Variants in UTRN observed in about 807,000 individuals in gnomAD.
The protein encoded by UTRN is utrophin.
In UTRN, 283 loss-of-function variants were observed where a neutral mutation model predicts 463.9. The ratio of observed to expected loss-of-function variants is 0.61; its 90% CI spans 0.55 to 0.67. The LOEUF is 0.67. Ranked by LOEUF, UTRN falls within the 30% of genes least tolerant of loss-of-function variation. The pLI, the probability that UTRN is intolerant of heterozygous loss-of-function variation, is 0.00. For synonymous variants in UTRN, 1,442 were observed against 1,431.5 expected, an observed-to-expected ratio of 1.01 and a Z score of -0.17; for missense variants, 3,922 against 4,084.3, an observed-to-expected ratio of 0.96 and a Z score of 1.08.
At chr6:144,627,172 T>A (rs1443641261) in intron 51 of UTRN, among the ~76,000 whole-genome samples, 1 of 16,100 alleles carries the variant, frequency 6.2e-5, no homozygotes, top group Admixed American at 8.4e-4. Context: ...GAGGGTGGGG[T>A]GGGGTAGGGT....
chr6:144,578,994 A>G (rs1326353084), intron 51 of UTRN, among the ~76,000 whole-genome samples: 1 of 152,206 alleles, frequency 6.6e-6, no homozygotes, highest in Non-Finnish European at 1.5e-5. Context: ...CAATTTGAAA[A>G]ACAGATCTTT....
At chr6:144,691,987 T>C (rs1393358890) in intron 52 of UTRN, among the ~76,000 whole-genome samples, 1 of 152,140 alleles carries the variant, frequency 6.6e-6, no homozygotes, top group Non-Finnish European at 1.5e-5. Flanking sequence ...ATTTCATCAC[T>C]CAGGCATTCA....
At chr6:144,815,942 A>G (rs1586689265) in intron 65 of UTRN, among the ~76,000 whole-genome samples, 1 of 152,252 alleles carries the variant, frequency 6.6e-6, no homozygotes, top group Non-Finnish European at 1.5e-5. Context: ...GCAATTCCCA[A>G]TGAATGGATA....
At chr6:144,556,918 A>G (rs188287372) in intron 49 of UTRN, among the ~76,000 whole-genome samples, 5 of 152,338 alleles carry the variant, frequency 3.3e-5, no homozygotes, top group Admixed American at 3.3e-4. Context: ...AAAGAAAATG[A>G]TAATAATCTT....
intron 60 of UTRN, among the ~76,000 whole-genome samples, 184 bp from the exon 61 acceptor site, chr6:144,781,738 G>C (rs1775848171): frequency 6.6e-6 from 1 of 152,094 alleles, no homozygotes; most frequent in South Asian, 2.1e-4. Flanking sequence ...ATGAAAGTGT[G>C]GTAAAATGTA....
chr6:144,470,810 C>T (rs1054447200), intron 23 of UTRN, among the ~76,000 whole-genome samples: 9 of 151,936 alleles, frequency 5.9e-5, no homozygotes, highest in East Asian at 1.9e-4. Flanking sequence ...AGATCACTCT[C>T]GGTCAGGAAC....
At chr6:144,754,910 C>A in intron 57 of UTRN, 112 bp downstream of exon 57, 1 of 981,130 alleles carries the variant, frequency 1.0e-6, no homozygotes, top group Non-Finnish European at 1.5e-6. Context: ...TTAGATAGAT[C>A]CTTGTAAGGA....
intron 53 of UTRN, 48 bp downstream of exon 53, chr6:144,700,291 G>A (rs764570786): frequency 2.0e-6 from 3 of 1,518,478 alleles, no homozygotes; most frequent in Admixed American, 3.7e-5. Flanking sequence ...TTCTAGTGAG[G>A]TAGATATTTG....
At chr6:144,506,199 C>G (rs1453151248) in intron 34 of UTRN, among the ~76,000 whole-genome samples, 1 of 151,752 alleles carries the variant, frequency 6.6e-6, no homozygotes, top group Non-Finnish European at 1.5e-5. Flanking sequence ...ACGGATGGGT[C>G]TTGGCTGTTT....
At chr6:144,703,573 G>T (rs1214074540) in intron 53 of UTRN, among the ~76,000 whole-genome samples, 1 of 152,174 alleles carries the variant, frequency 6.6e-6, no homozygotes, top group Non-Finnish European at 1.5e-5. Context: ...GAGCCAGAAG[G>T]CTAGAAGAAC....
intron 2 of UTRN, among the ~76,000 whole-genome samples, chr6:144,359,115 A>C (rs946527632): frequency 6.6e-6 from 1 of 152,192 alleles, no homozygotes; most frequent in Admixed American, 6.5e-5. Context: ...TAAAATGGAG[A>C]TAATACAAGT....
At chr6:144,775,658 A>G (rs892635546) in intron 60 of UTRN, among the ~76,000 whole-genome samples, 2 of 152,182 alleles carry the variant, frequency 1.3e-5, no homozygotes, top group African/African-American at 4.8e-5. Context: ...CACATCCAGG[A>G]TCCAGTTGAT....
At chr6:144,488,277 A>G (rs1212655746) in intron 29 of UTRN, among the ~76,000 whole-genome samples, 1 of 152,144 alleles carries the variant, frequency 6.6e-6, no homozygotes, top group Non-Finnish European at 1.5e-5. Context: ...TAGGCTTTGG[A>G]AAAAAAGAGA....
At chr6:144,616,015 A>G (rs1470271062) in intron 51 of UTRN, among the ~76,000 whole-genome samples, 1 of 152,074 alleles carries the variant, frequency 6.6e-6, no homozygotes, top group Non-Finnish European at 1.5e-5. Context: ...TTCCTTGTAC[A>G]TACCAAGCCT....
At chr6:144,410,355 G>T (rs1234360670) in intron 3 of UTRN, among the ~76,000 whole-genome samples, 1 of 152,098 alleles carries the variant, frequency 6.6e-6, no homozygotes, top group Non-Finnish European at 1.5e-5. Flanking sequence ...ATTGTTTCCT[G>T]AGTTTGCCTA....
chr6:144,513,164 A>G (rs896978457), intron 35 of UTRN, among the ~76,000 whole-genome samples: 3 of 152,200 alleles, frequency 2.0e-5, no homozygotes, highest in East Asian at 3.9e-4. Context: ...ATACTGAGGT[A>G]AGGATACAAA....
chr6:144,694,793 C>CTA (rs2128694474), intron 52 of UTRN, among the ~76,000 whole-genome samples: 1 of 151,956 alleles, frequency 6.6e-6, no homozygotes, highest in South Asian at 2.1e-4. Context: ...CTTTATTAGT[C>CTA]TTGCTAGCAG....
chr6:144,471,077 AGGGAGG>A (rs1324904930), intron 23 of UTRN, among the ~76,000 whole-genome samples: 72 of 5,662 alleles, frequency 0.013, 1 homozygote, highest in East Asian at 0.069. Flanking sequence ...GGAGGGGGCG[AGGGAGG>A]GGGAGGGGGA....
chr6:144,643,577 A>T (rs2128662800), intron 51 of UTRN, among the ~76,000 whole-genome samples: 1 of 152,162 alleles, frequency 6.6e-6, no homozygotes, highest in South Asian at 2.1e-4. Flanking sequence ...CGGGCAGATC[A>T]CCTGAGGTCA....
Sources: gnomAD v4.1 joint callset for allele counts (sites outside exome capture counted in the v4.1 genomes callset) on GRCh38, gnomAD v4.1.1 for gene constraint, MANE v1.5 for transcripts, NCBI Gene and HGNC (gene_info 2026-07-23, HGNC 2026-07-21) for gene names.